The following PPP4R2 variants were observed in gnomAD, a reference collection of about 807,000 sequenced individuals.
PPP4R2 encodes the protein protein phosphatase 4 regulatory subunit 2.
In PPP4R2, 13 loss-of-function variants were observed where a neutral mutation model predicts 47.2. The ratio of observed to expected loss-of-function variants is 0.28; its 90% CI spans 0.18 to 0.44. The LOEUF is 0.44. Among genes scored for constraint, PPP4R2 ranks in the 20% least tolerant of loss-of-function variants. PPP4R2 has a pLI of 1.00. For synonymous variants in PPP4R2, 151 were observed against 163.3 expected (o/e 0.92, Z 0.57); for missense variants, 421 against 491.2 (o/e 0.86, Z 1.35).
intron 2 of PPP4R2, among the ~76,000 whole-genome samples, chr3:73,026,078 CAA>C (rs1702057706): frequency 1.3e-5 from 2 of 152,196 alleles, no homozygotes. Context: ...AGTCATGCTA[CAA>C]TATAAGTATG....
In PPP4R2 at chr3:72,996,959, C is replaced by T. The variant is rs929661588; in HGVS notation, c.-79C>T. 7.2e-6 allele frequency: 8 copies of T among 1,112,610 alleles called. No homozygotes were observed. The highest frequency in any genetic ancestry group is 3.5e-5 in the East Asian group (1 of 28,612). The allele number at this position is 1,112,610 out of a possible 1,614,324, so 68.9% of individuals were successfully genotyped here. A position where few individuals can be genotyped will look rare whatever the true frequency, so the allele number is the denominator to read the frequency against. ...TGTGTGCGAGGGAGGGGGAGGGCGT[C>T]GGGGGGGTGGGGGGAGGCGTTCCGG... On this transcript the variant is annotated 5_prime_UTR_variant, in exon 1 of 9. Transcript: ENST00000356692.
At chr3:73,017,492 C>T (rs534944522) in intron 2 of PPP4R2, among the ~76,000 whole-genome samples, 1 of 152,246 alleles carries the variant, frequency 6.6e-6, no homozygotes, top group African/African-American at 2.4e-5. Flanking sequence ...CTGCCCTAGC[C>T]ACTGGTGGGT....
At chr3:73,051,667 C>T (rs1702615591) in intron 3 of PPP4R2, among the ~76,000 whole-genome samples, 1 of 152,052 alleles carries the variant, frequency 6.6e-6, no homozygotes, top group Non-Finnish European at 1.5e-5. Flanking sequence ...CGCTCTTTGC[C>T]CAGGCTGGAG....
Position 73,046,993 on chromosome 3 carries a change from T to TG in PPP4R2, c.117-191dup, listed in dbSNP as rs200431388. ...TCTGGGTTTTGTTTGGGTTGGGAGT[T>TG]GGATAGCATCAGGATGGAGCTTGTG... On this transcript the variant is annotated intron_variant, in intron 2 of 8. Transcript: ENST00000356692. Among the ~76,000 whole-genome samples the TG allele has an allele frequency of 5.2e-3, 799 of 152,250 alleles. 22 individuals are homozygous for TG. Among genetic ancestry groups the TG allele is most frequent in the Admixed American group, 0.05 (759 of 15,286 alleles).
intron 5 of PPP4R2, chr3:73,062,736 A>C: frequency 6.2e-7 from 1 of 1,614,012 alleles, no homozygotes; most frequent in Non-Finnish European, 8.5e-7. Context: ...GATGGCATCT[A>C]TTGGAAGACT....
intron 3 of PPP4R2, among the ~76,000 whole-genome samples, chr3:73,058,137 T>C (rs574983033): frequency 6.6e-5 from 10 of 152,160 alleles, no homozygotes; most frequent in African/African-American, 1.9e-4. Flanking sequence ...AGTTCCAACT[T>C]ATATCAGTTT....
At chr3:73,048,600 T>G (rs1702539510) in intron 3 of PPP4R2, among the ~76,000 whole-genome samples, 1 of 152,162 alleles carries the variant, frequency 6.6e-6, no homozygotes, top group African/African-American at 2.4e-5. Context: ...GAAGAAGTGT[T>G]TGTGAAGTTG....
intron 2 of PPP4R2, among the ~76,000 whole-genome samples, chr3:73,007,717 G>A (rs1701641544): frequency 1.3e-5 from 2 of 152,140 alleles, no homozygotes; most frequent in African/African-American, 4.8e-5. Flanking sequence ...TCGAACTCTT[G>A]ACCTCAAGTG....
intron 2 of PPP4R2, among the ~76,000 whole-genome samples, chr3:73,018,171 A>G (rs1037078709): frequency 3.3e-5 from 5 of 152,158 alleles, no homozygotes; most frequent in South Asian, 4.1e-4. Context: ...CCAGGCAGAT[A>G]TACACTTGAC....
At position 73,002,629 on chromosome 3, in the gene PPP4R2, CTTTTCTTTTTTT is replaced by C. The variant is rs1403103246; in HGVS notation, c.116+4476_116+4487del. Among the ~76,000 whole-genome samples the C allele has an allele frequency of 2.0e-4, 17 of 83,004 alleles. 1 individual carries two copies. Among genetic ancestry groups the C allele is most frequent in the Admixed American group, 5.0e-4 (4 of 8,036 alleles). 54.5% of individuals were successfully genotyped at this position (83,004 alleles called of 152,430 possible). A position where few individuals can be genotyped will look rare whatever the true frequency, so the allele number is the denominator to read the frequency against. ...TTTTTCTTTTCTTTTCTTTTCTTTT[CTTTTCTTTTTTT>C]TTTTTTTTTTTTTTTTTTGAGACGG... is the stretch of plus-strand genomic sequence containing the variant. On this transcript the variant is annotated intron_variant, in intron 2 of 8. Coordinates refer to ENST00000356692, the MANE Select transcript of PPP4R2 (RefSeq NM_174907.4).
intron 2 of PPP4R2, among the ~76,000 whole-genome samples, chr3:73,028,296 C>CGA (rs1702106637): frequency 6.6e-6 from 1 of 151,634 alleles, no homozygotes; most frequent in Non-Finnish European, 1.5e-5. Flanking sequence ...TACTCAGCCT[C>CGA]CCAAAGGCTG....
intron 2 of PPP4R2, among the ~76,000 whole-genome samples, chr3:73,040,558 G>A (rs1391304624): frequency 2.1e-5 from 3 of 145,746 alleles, no homozygotes; most frequent in Non-Finnish European, 3.0e-5. Context: ...GGAGTGCAGT[G>A]CAGTGGCATA....
intron 2 of PPP4R2, among the ~76,000 whole-genome samples, chr3:73,023,820 T>G (rs1442233234): frequency 6.6e-6 from 1 of 152,160 alleles, no homozygotes; most frequent in Non-Finnish European, 1.5e-5. Flanking sequence ...GAGCAAACCT[T>G]TGTATGTTAA....
chr3:73,061,843 G>T (rs1241878306), intron 5 of PPP4R2: 5 of 421,080 alleles, frequency 1.2e-5, no homozygotes, highest in Non-Finnish European at 2.1e-5. Context: ...GATTACAGAT[G>T]TGAACCACCA....
In PPP4R2 at chr3:73,065,863, A is replaced by T; in HGVS notation, c.*141A>T. 1 of 574,546 alleles carries T rather than the reference A, an allele frequency of 1.7e-6. No individual in the cohort carries two copies. Among genetic ancestry groups the T allele is most frequent in the Non-Finnish European group, 3.0e-6 (1 of 330,600 alleles). 35.6% of individuals were successfully genotyped at this position (574,546 alleles called of 1,614,324 possible). ...TAAAGTACTTTATGGATAATTCCTG[A>T]AAGAGTTGTACATGTAAGAACTGTG... On this transcript the variant is annotated 3_prime_UTR_variant, in exon 9 of 9. Coordinates refer to ENST00000356692, the MANE Select transcript of PPP4R2 (RefSeq NM_174907.4).
chr3:73,049,772 AATT>A (rs1702571352), intron 3 of PPP4R2, among the ~76,000 whole-genome samples: 3 of 149,942 alleles, frequency 2.0e-5, no homozygotes, highest in Admixed American at 6.7e-5. Context: ...AATATAATAA[AATT>A]AATATTGTGT....
At chr3:72,997,626 G>A (rs919675754) in intron 1 of PPP4R2, among the ~76,000 whole-genome samples, 2 of 152,172 alleles carry the variant, frequency 1.3e-5, no homozygotes, top group African/African-American at 4.8e-5. Context: ...CAAACTTCGA[G>A]TAGAGAGATT....
chr3:73,015,937 C>T (rs1307036284), intron 2 of PPP4R2: 6 of 243,896 alleles, frequency 2.5e-5, no homozygotes, highest in Non-Finnish European at 3.5e-5. Flanking sequence ...TGCACCCGCC[C>T]TGTTTTTTTG....
At chr3:73,053,431 G>A (rs1702662431) in intron 3 of PPP4R2, among the ~76,000 whole-genome samples, 2 of 152,102 alleles carry the variant, frequency 1.3e-5, no homozygotes, top group Non-Finnish European at 2.9e-5. Context: ...TTAACAGAAA[G>A]CCTAATTAAC....
Sources: gnomAD v4.1 joint callset for allele counts (sites outside exome capture counted in the v4.1 genomes callset) on GRCh38, gnomAD v4.1.1 for gene constraint, MANE v1.5 for transcripts, NCBI Gene and HGNC (gene_info 2026-07-23, HGNC 2026-07-21) for gene names.